Variants in TTK observed in about 807,000 individuals in gnomAD.
The protein encoded by TTK is dual specificity protein kinase TTK.
TTK carries 59 observed loss-of-function variants against 117.3 expected under a neutral mutation model. The ratio of observed to expected loss-of-function variants is 0.50; its 90% CI spans 0.41 to 0.62. The LOEUF (loss-of-function observed/expected upper bound fraction) is 0.62, where lower values mean the gene tolerates loss of function less well. Among genes scored for constraint, TTK ranks in the 20% least tolerant of loss-of-function variants. The pLI is 0.00. For missense variants in TTK, 921 were observed against 989.4 expected, an observed-to-expected ratio of 0.93 and a Z score of 0.93; for synonymous variants, 302 against 325.0, an observed-to-expected ratio of 0.93 and a Z score of 0.76.
At chr6:80,011,044 T>G (rs1277629569) in intron 5 of TTK, 87 bp downstream of exon 5, 3 of 1,373,124 alleles carry the variant, frequency 2.2e-6, no homozygotes, top group Admixed American at 2.3e-5. Flanking sequence ...AAAATATTAT[T>G]TATGTAGAAT....
intron 14 of TTK, among the ~76,000 whole-genome samples, chr6:80,032,264 T>TC (rs1023876333): frequency 6.6e-6 from 1 of 152,178 alleles, no homozygotes; most frequent in Non-Finnish European, 1.5e-5. Flanking sequence ...ATTTTTTTTT[T>TC]CGCAGTGAAG....
intron 21 of TTK, among the ~76,000 whole-genome samples, chr6:80,041,419 A>G (rs1184482254): frequency 6.6e-6 from 1 of 151,774 alleles, no homozygotes; most frequent in Non-Finnish European, 1.5e-5. Flanking sequence ...GATATGAGGT[A>G]CCTGTTTTCT....
intron 18 of TTK, among the ~76,000 whole-genome samples, chr6:80,038,620 A>G (rs980050385): frequency 1.3e-5 from 2 of 152,220 alleles, no homozygotes; most frequent in Non-Finnish European, 2.9e-5. Flanking sequence ...TAGTACATTT[A>G]TCCAGCTCAG....
chr6:80,021,977 C>T (rs1441786930), intron 10 of TTK, among the ~76,000 whole-genome samples: 3 of 152,080 alleles, frequency 2.0e-5, no homozygotes, highest in Non-Finnish European at 2.9e-5. Context: ...GTTGGATACT[C>T]GGTCTATGAA....
intron 4 of TTK, 61 bp from the exon 5 acceptor site, chr6:80,010,753 G>C: frequency 6.8e-7 from 1 of 1,462,700 alleles, no homozygotes; most frequent in Non-Finnish European, 9.1e-7. Flanking sequence ...TACGTATCTG[G>C]GTGGTCTGGG....
At chr6:80,004,898 G>C (rs1198816523) in intron 1 of TTK, 185 bp downstream of exon 1, 1 of 152,258 alleles carries the variant, frequency 6.6e-6, no homozygotes, top group Non-Finnish European at 1.5e-5. Flanking sequence ...GGTCTGGCCG[G>C]TGGGGTGATG....
intron 12 of TTK, among the ~76,000 whole-genome samples, chr6:80,027,550 G>A (rs1006642673): frequency 2.6e-5 from 4 of 151,822 alleles, no homozygotes; most frequent in Non-Finnish European, 5.9e-5. Context: ...GAACATTATT[G>A]TTTAAAAAAA....
rs767981089 is a variant in TTK at position 80,035,037 on chromosome 6, A to T, written c.1667A>T (p.Asn556Ile). The change falls in exon 15 of 22, where the codon AAC (asparagine) becomes ATC (isoleucine). Residue 556 changes from asparagine (N) to isoleucine (I), a missense_variant. Asn to Ile is a moderately radical substitution (Grantham distance 149). Transcript: ENST00000369798. Reference sequence around the variant, plus strand: ...CAGATATATGCTATAAAATATGTGAACTTAGAAGAAGCAGATAACCAAACT... The same window carrying T: ...CAGATATATGCTATAAAATATGTGATCTTAGAAGAAGCAGATAACCAAACT... ...KKQIYAIKYV[N>I]LEEADNQTLD... The T allele has an allele frequency of 3.8e-6, 6 of 1,599,512 alleles. No individual in the cohort carries two copies. In the Admixed American group the frequency reaches 1.1e-4, roughly 28 times the overall value.
At chr6:80,008,623 T>TG in intron 4 of TTK, 131 bp downstream of exon 4, 1 of 753,916 alleles carries the variant, frequency 1.3e-6, no homozygotes. Context: ...GATGAGAATA[T>TG]GGGGAGAAAA....
intron 4 of TTK, among the ~76,000 whole-genome samples, 165 bp downstream of exon 4, chr6:80,008,657 G>A (rs1562010539): frequency 6.6e-6 from 1 of 152,114 alleles, no homozygotes; most frequent in Non-Finnish European, 1.5e-5. Context: ...TAAATGCAGA[G>A]AATATCTGTT....
chr6:80,035,540 A>T, intron 16 of TTK, 123 bp downstream of exon 16: 1 of 1,012,932 alleles, frequency 9.9e-7, no homozygotes, highest in Non-Finnish European at 1.4e-6. Context: ...CAACTAAATA[A>T]TTAGAAGTTT....
chr6:80,009,658 C>T (rs1562011079), intron 4 of TTK, among the ~76,000 whole-genome samples: 1 of 152,020 alleles, frequency 6.6e-6, no homozygotes, highest in Non-Finnish European at 1.5e-5. Flanking sequence ...ATCTATACCA[C>T]TTTATCTGCA....
In TTK at chr6:80,040,709, T is replaced by A. The variant is rs1239657602; in HGVS notation, c.2490+6T>A. 3 of 1,610,124 alleles carry A rather than the reference T, an allele frequency of 1.9e-6. No homozygotes were observed. The highest frequency in any genetic ancestry group is 2.5e-6 in the Non-Finnish European group (3 of 1,177,554). On this transcript the variant is annotated splice_donor_region_variant and intron_variant, in intron 21 of 21. Transcript: ENST00000369798. ...CCATTTTGAAAGCTGCTAAAGTAAG[T>A]ATGTCTATTCTTTACATTAATTTTT...
At chr6:80,018,271 T>A (rs1767363867) in intron 10 of TTK, among the ~76,000 whole-genome samples, 1 of 152,184 alleles carries the variant, frequency 6.6e-6, no homozygotes, top group Non-Finnish European at 1.5e-5. Context: ...GTAATTCTAA[T>A]AGTTTTCCAT....
At chr6:80,008,065 G>A in intron 3 of TTK, 34 bp downstream of exon 3, 1 of 1,596,966 alleles carries the variant, frequency 6.3e-7, no homozygotes, top group Non-Finnish European at 8.6e-7. Context: ...GTTCAACTAT[G>A]TTACATAATA....
intron 10 of TTK, among the ~76,000 whole-genome samples, chr6:80,017,526 A>G (rs1049550056): frequency 6.6e-6 from 1 of 152,040 alleles, no homozygotes; most frequent in African/African-American, 2.4e-5. Flanking sequence ...CAATCTGCCC[A>G]CCTCAGCTTC....
At chr6:80,034,923 G>A in intron 14 of TTK, 62 bp from the exon 15 acceptor site, 1 of 1,265,076 alleles carries the variant, frequency 7.9e-7, no homozygotes, top group Non-Finnish European at 1.0e-6. Flanking sequence ...AATAAATTTA[G>A]AATCATTGTG....
In TTK at chr6:80,042,374, T is replaced by C. The variant is rs1768074098; in HGVS notation, c.*172T>C. 2.2e-6 allele frequency: 1 copy of C among 461,604 alleles called. No homozygotes were observed. The highest frequency in any genetic ancestry group is 4.0e-6 in the Non-Finnish European group (1 of 252,082). 28.6% of individuals were successfully genotyped at this position (461,604 alleles called of 1,614,324 possible). A position where few individuals can be genotyped will look rare whatever the true frequency, so the allele number is the denominator to read the frequency against. ...AAACTGTAAAAATAGCAACCACTTA[T>C]GGCACTGTATATATTGTAGACTTGT... On this transcript the variant is annotated 3_prime_UTR_variant, in exon 22 of 22. Transcript: ENST00000369798.
At chr6:80,015,419 A>T (rs781771247) in intron 10 of TTK, among the ~76,000 whole-genome samples, 15 of 152,154 alleles carry the variant, frequency 9.9e-5, no homozygotes, top group Non-Finnish European at 2.9e-5. Flanking sequence ...CATTGTCCAG[A>T]TAGAGGTTGC....
Sources: gnomAD v4.1 joint callset for allele counts (sites outside exome capture counted in the v4.1 genomes callset) on GRCh38, gnomAD v4.1.1 for gene constraint, MANE v1.5 for transcripts, NCBI Gene and HGNC (gene_info 2026-07-23, HGNC 2026-07-21) for gene names.